CHD2: variants seen among roughly 807,000 people sequenced by gnomAD.
The protein encoded by CHD2 is ATP-dependent chromatin remodeler CHD2.
A neutral mutation model predicts 243.9 loss-of-function variants in CHD2; 28 were observed. That is an observed-to-expected ratio of 0.11 (90% CI 0.09 to 0.16). The LOEUF (loss-of-function observed/expected upper bound fraction) is 0.16, where lower values mean the gene tolerates loss of function less well. CHD2 is among the 10% of genes least tolerant of loss of function. The pLI, the probability that CHD2 is intolerant of heterozygous loss-of-function variation, is 1.00. For missense variants in CHD2, 1,386 were observed against 2,209.8 expected, an observed-to-expected ratio of 0.63 and a Z score of 7.47; for synonymous variants, 775 against 779.0, an observed-to-expected ratio of 0.99 and a Z score of 0.09.
At chr15:92,918,147 T>C (rs1023072296) in intron 2 of CHD2, among the ~76,000 whole-genome samples, 5 of 152,198 alleles carry the variant, frequency 3.3e-5, no homozygotes, top group Non-Finnish European at 7.3e-5. Flanking sequence ...AAACCGCGAT[T>C]AAAAATGGAA....
At chr15:92,935,104 C>T (rs1010834444) in intron 5 of CHD2, among the ~76,000 whole-genome samples, 13 of 150,004 alleles carry the variant, frequency 8.7e-5, no homozygotes, top group Non-Finnish European at 1.3e-4. Context: ...GGCCCGATCT[C>T]GGCCCACTGT....
chr15:92,955,586 C>G, intron 15 of CHD2, 74 bp downstream of exon 15: 6 of 880,068 alleles, frequency 6.8e-6, no homozygotes, highest in Admixed American at 3.3e-5. Flanking sequence ...TGTTACTGTT[C>G]TGTGGAGCAT....
chr15:92,975,057 C>A, intron 20 of CHD2, 107 bp downstream of exon 20: 2 of 874,484 alleles, frequency 2.3e-6, no homozygotes, highest in Non-Finnish European at 3.6e-6. Context: ...TAGTGCAATT[C>A]TTTTGCCTTG....
chr15:92,944,557 G>T, intron 10 of CHD2, 42 bp downstream of exon 10: 1 of 1,024,588 alleles, frequency 9.8e-7, no homozygotes, highest in South Asian at 1.8e-5. Context: ...TTGAACTTGA[G>T]GAATAGTGGC....
At chr15:92,943,326 A>T (rs552000968) in intron 9 of CHD2, 2 of 442,282 alleles carry the variant, frequency 4.5e-6, no homozygotes, top group Non-Finnish European at 8.3e-6. Context: ...CAATAAGTGC[A>T]TGAGATTTGT....
Position 93,020,095 on chromosome 15 carries a change from C to A in CHD2, c.4990C>A (p.Gln1664Lys). ...NPPWGSDRHH[Q>K]YEQHWYKDHH... Reference sequence around the variant, plus strand: ...ACCATGGGGAAGCGACAGGCACCATCAGTATGAGCAGCACTGGTACAAGGA... The same window carrying A: ...ACCATGGGGAAGCGACAGGCACCATAAGTATGAGCAGCACTGGTACAAGGA... Residue 1664 changes from glutamine (Q) to lysine (K), a missense_variant, in exon 38 of 39, where the codon CAG (glutamine) becomes AAG (lysine). By Grantham distance (53) the Gln-to-Lys change is moderately conservative. Coordinates refer to ENST00000394196, the MANE Select transcript of CHD2 (RefSeq NM_001271.4). The A allele has an allele frequency of 6.2e-7, 1 of 1,614,164 alleles. No homozygotes were observed. Among genetic ancestry groups the A allele is most frequent in the Non-Finnish European group, 8.5e-7 (1 of 1,180,026 alleles).
intron 37 of CHD2, among the ~76,000 whole-genome samples, chr15:93,015,414 A>G (rs1248658730): frequency 6.6e-6 from 1 of 152,170 alleles, no homozygotes; most frequent in African/African-American, 2.4e-5. Context: ...ATTAAGAAGA[A>G]CCCAGCTAAC....
intron 26 of CHD2, chr15:92,991,257 T>A (rs2054116232): frequency 2.1e-6 from 1 of 472,998 alleles, no homozygotes; most frequent in Non-Finnish European, 3.7e-6. Context: ...GAGAATAAAG[T>A]TGATCTTTAA....
chr15:92,965,565 C>CA (rs61447848), intron 16 of CHD2, among the ~76,000 whole-genome samples: 5,078 of 110,298 alleles, frequency 0.046, 430 homozygotes, highest in Non-Finnish European at 0.066. Flanking sequence ...ACTCTTTCTC[C>CA]AAAAAAAAAA....
chr15:92,924,476 C>T lies in CHD2; in HGVS notation c.218C>T (p.Ser73Phe), dbSNP rs746617237. ...QSESESESAG[S>F]KSQPVLPEAK... ...GAATCTGAGAGCGAATCAGCAGGTT[C>T]CAAATCCCAGCCAGTCCTCCCAGAA... The change falls in exon 3 of 39, where the codon TCC becomes TTC. Residue 73 changes from serine to phenylalanine, a missense_variant. By Grantham distance (155) the Ser-to-Phe change is radical. Around this residue, in one of 19 missense-constraint regions of CHD2, gnomAD observed 89 missense variants for 102.4 expected, o/e 0.87. Transcript: ENST00000394196. 2 of 1,614,104 alleles carry T rather than the reference C, an allele frequency of 1.2e-6. No homozygotes were observed. The highest frequency in any genetic ancestry group is 1.7e-6 in the Non-Finnish European group (2 of 1,180,004).
chr15:92,916,155 G>C (rs140741633), intron 2 of CHD2, among the ~76,000 whole-genome samples: 1 of 152,324 alleles, frequency 6.6e-6, no homozygotes, highest in East Asian at 1.9e-4. Flanking sequence ...GGCCAAACCA[G>C]TGTGCATCTT....
chr15:92,967,580 A>G, intron 17 of CHD2, 67 bp downstream of exon 17: 1 of 1,014,938 alleles, frequency 9.9e-7, no homozygotes, highest in Non-Finnish European at 1.4e-6. Context: ...TAGATAGGAG[A>G]TATATATATA....
chr15:92,906,496 C>T (rs2052623542), intron 2 of CHD2, among the ~76,000 whole-genome samples: 1 of 152,072 alleles, frequency 6.6e-6, no homozygotes, highest in South Asian at 2.1e-4. Context: ...CTCTCCCTTA[C>T]CCCCAAATAA....
In CHD2 at chr15:92,948,495, T is replaced by C. The variant is rs138796396; in HGVS notation, c.1378-457T>C. Among the ~76,000 whole-genome samples, 47 of 152,222 alleles carry C rather than the reference T, an allele frequency of 3.1e-4. 1 individual carries two copies. The highest frequency in any genetic ancestry group is 1.1e-3 in the African/African-American group (45 of 41,516). On this transcript the variant is annotated intron_variant, in intron 12 of 38. Coordinates refer to ENST00000394196, the MANE Select transcript of CHD2 (RefSeq NM_001271.4). ...ACTCTGGCTTATGGAATATTAACCA[T>C]GAAGAAAGGGGTGATGGAGTGAGGT...
chr15:92,996,822 T>C (rs557575808), intron 28 of CHD2, 135 bp from the exon 29 acceptor site: 17 of 831,816 alleles, frequency 2.0e-5, no homozygotes, highest in East Asian at 2.9e-5. Context: ...ATTTGTCTTA[T>C]AGATTATATC....
intron 2 of CHD2, among the ~76,000 whole-genome samples, chr15:92,917,325 A>G (rs2052858837): frequency 6.6e-6 from 1 of 152,194 alleles, no homozygotes; most frequent in African/African-American, 2.4e-5. Flanking sequence ...TTGGGAGGCC[A>G]AGGCGGGCAG....
chr15:92,963,753 A>G (rs1402619465), intron 16 of CHD2, among the ~76,000 whole-genome samples: 3 of 152,214 alleles, frequency 2.0e-5, no homozygotes, highest in Admixed American at 6.5e-5. Context: ...ATCAATAGCA[A>G]ATCTTCTGTG....
In CHD2 at chr15:93,027,744, T is replaced by A. The variant is rs574039865; in HGVS notation, c.*3039T>A. The A allele has an allele frequency of 4.5e-4, 69 of 152,730 alleles. No individual in the cohort carries two copies. Among genetic ancestry groups the A allele is most frequent in the African/African-American group, 1.5e-3 (64 of 41,554 alleles). The allele number at this position is 152,730 out of a possible 1,614,324, so 9.5% of individuals were successfully genotyped here. A position where few individuals can be genotyped will look rare whatever the true frequency, so the allele number is the denominator to read the frequency against. On this transcript the variant is annotated 3_prime_UTR_variant, in exon 39 of 39. Transcript: ENST00000394196. Reference sequence around the variant, plus strand: ...TGGGCGAGGGGAGCCATGCCAAGGGTCCAGGCTGCTTTAGGCCATCTGTGC... The same window carrying A: ...TGGGCGAGGGGAGCCATGCCAAGGGACCAGGCTGCTTTAGGCCATCTGTGC...
intron 37 of CHD2, 55 bp downstream of exon 37, chr15:93,014,964 C>A: frequency 7.0e-7 from 1 of 1,425,912 alleles, no homozygotes; most frequent in Non-Finnish European, 9.9e-7. Context: ...AAAATTCACA[C>A]AGCCGTTTCA....
Sources: gnomAD v4.1 joint callset for allele counts (sites outside exome capture counted in the v4.1 genomes callset) on GRCh38, gnomAD v4.1.1 for gene constraint, gnomAD v4.1.1 regional missense constraint, MANE v1.5 for transcripts, NCBI Gene and HGNC (gene_info 2026-07-23, HGNC 2026-07-21) for gene names.